The following ANO10 variants were observed in gnomAD, a reference collection of about 807,000 sequenced individuals.
ANO10 encodes the protein anoctamin-10.
A neutral mutation model predicts 74.7 loss-of-function variants in ANO10; 77 were observed. The observed-to-expected ratio is 1.03, with a 90% CI of 0.86 to 1.25. The LOEUF (loss-of-function observed/expected upper bound fraction) is 1.25, where lower values mean the gene tolerates loss of function less well. ANO10 is among the 50% of genes most tolerant of loss of function. ANO10 has a pLI of 0.00. For synonymous variants in ANO10, 279 were observed against 284.9 expected (o/e 0.98, Z 0.21); for missense variants, 721 against 778.1 (o/e 0.93, Z 0.87).
At chr3:43,686,923 CAG>C (rs2084282740) in intron 1 of ANO10, among the ~76,000 whole-genome samples, 1 of 151,804 alleles carries the variant, frequency 6.6e-6, no homozygotes. Context: ...CTCAGACCTA[CAG>C]AGTCAGAATC....
intron 11 of ANO10, among the ~76,000 whole-genome samples, chr3:43,437,542 C>G (rs1034713007): frequency 1.3e-5 from 2 of 152,188 alleles, no homozygotes; most frequent in African/African-American, 2.4e-5. Flanking sequence ...AAAGGATATA[C>G]TTTAAATGCC....
intron 10 of ANO10, chr3:43,551,427 G>A (rs1253993188): frequency 6.8e-6 from 3 of 440,724 alleles, no homozygotes; most frequent in South Asian, 3.2e-5. Flanking sequence ...TAAACTGCAT[G>A]CATTTAAGGT....
intron 11 of ANO10, among the ~76,000 whole-genome samples, chr3:43,513,612 G>A (rs1489678566): frequency 2.0e-5 from 3 of 152,128 alleles, no homozygotes; most frequent in South Asian, 2.1e-4. Context: ...AAGGGTTCAC[G>A]CCATTCTCCT....
chr3:43,519,762 G>A (rs2077869898), intron 11 of ANO10, among the ~76,000 whole-genome samples: 2 of 152,114 alleles, frequency 1.3e-5, no homozygotes, highest in African/African-American at 4.8e-5. Context: ...ACACAGGTAG[G>A]TTACAAGATC....
chr3:43,442,716 T>G (rs978773929), intron 11 of ANO10, among the ~76,000 whole-genome samples: 1 of 152,170 alleles, frequency 6.6e-6, no homozygotes, highest in African/African-American at 2.4e-5. Flanking sequence ...GAATAAATAT[T>G]TTAGCCACAC....
At chr3:43,637,360 C>A (rs943465044) in intron 1 of ANO10, among the ~76,000 whole-genome samples, 1 of 151,738 alleles carries the variant, frequency 6.6e-6, no homozygotes, top group African/African-American at 2.4e-5. Flanking sequence ...CCCAGCCACT[C>A]GGGAGATTGA....
chr3:43,536,852 A>T (rs1316615573), intron 11 of ANO10, among the ~76,000 whole-genome samples: 1 of 152,104 alleles, frequency 6.6e-6, no homozygotes, highest in Non-Finnish European at 1.5e-5. Flanking sequence ...GCATTTTTTC[A>T]ACAAGTTTTT....
chr3:43,678,998 C>T (rs2084159029), intron 1 of ANO10, among the ~76,000 whole-genome samples: 1 of 152,128 alleles, frequency 6.6e-6, no homozygotes, highest in South Asian at 2.1e-4. Context: ...CTGCAGTCTA[C>T]AGCTCCCAGC....
intron 11 of ANO10, among the ~76,000 whole-genome samples, chr3:43,524,656 G>A (rs1395829663): frequency 6.6e-6 from 1 of 152,046 alleles, no homozygotes; most frequent in Non-Finnish European, 1.5e-5. Flanking sequence ...CTGCCCACTG[G>A]GCTCCTCTTG....
At chr3:43,625,412 A>C (rs370165492), upstream of ANO10, among the ~76,000 whole-genome samples, 1 of 152,232 alleles carries the variant, frequency 6.6e-6, no homozygotes, top group African/African-American at 2.4e-5. Flanking sequence ...GTTCCCTGCC[A>C]TCATGATCCA....
At chr3:43,592,869 C>A (rs1048470542) in intron 4 of ANO10, among the ~76,000 whole-genome samples, 1 of 152,026 alleles carries the variant, frequency 6.6e-6, no homozygotes, top group African/African-American at 2.4e-5. Context: ...AAAGATAGGA[C>A]GAATGTCTAA....
intron 3 of ANO10, 73 bp from the exon 4 acceptor site, chr3:43,598,739 G>C: frequency 8.2e-7 from 1 of 1,223,120 alleles, no homozygotes; most frequent in Admixed American, 2.1e-5. Context: ...TGAGATTACA[G>C]AAATAATGGT....
chr3:43,461,579 C>T (rs1337422046), intron 11 of ANO10, among the ~76,000 whole-genome samples: 1 of 152,166 alleles, frequency 6.6e-6, no homozygotes, highest in Non-Finnish European at 1.5e-5. Flanking sequence ...GAATAAGTCT[C>T]ACAAGATATG....
intron 1 of ANO10, among the ~76,000 whole-genome samples, chr3:43,619,727 C>A (rs1208738949): frequency 6.6e-6 from 1 of 151,630 alleles, no homozygotes; most frequent in Non-Finnish European, 1.5e-5. Flanking sequence ...TAGCTGGATA[C>A]GGTGAAGCTC....
chr3:43,487,993 A>G (rs1490214201), intron 11 of ANO10, among the ~76,000 whole-genome samples: 1 of 152,184 alleles, frequency 6.6e-6, no homozygotes, highest in Non-Finnish European at 1.5e-5. Flanking sequence ...GGAACAGAAC[A>G]GAGCCCTCAC....
intron 1 of ANO10, among the ~76,000 whole-genome samples, chr3:43,679,805 C>A (rs1300893446): frequency 6.6e-6 from 1 of 152,202 alleles, no homozygotes; most frequent in Non-Finnish European, 1.5e-5. Context: ...TCTGCAGCCT[C>A]CACTGGTGAT....
intron 1 of ANO10, among the ~76,000 whole-genome samples, chr3:43,680,099 G>C (rs141603582): frequency 0.022 from 3,316 of 152,272 alleles, 134 homozygotes; most frequent in African/African-American, 0.075. Context: ...TGACTTTGAC[G>C]AGTTGAGAGA....
rs138329108 is a variant in ANO10, at chr3:43,494,145, A to G, written c.1797+55575T>C. On this transcript the variant is annotated intron_variant, in intron 11 of 12. Transcript: ENST00000292246. ...TTGAGGCCCTAGCTAATGCAATAAG[A>G]GCAAACATAAAATAATTAGTATAAG... Among the ~76,000 whole-genome samples the G allele has an allele frequency of 4.7e-3, 716 of 152,294 alleles. 5 individuals are homozygous for G. The highest frequency in any genetic ancestry group is 0.017 in the African/African-American group (688 of 41,552).
intron 11 of ANO10, among the ~76,000 whole-genome samples, chr3:43,480,475 G>A (rs1248385940): frequency 6.6e-6 from 1 of 152,174 alleles, no homozygotes; most frequent in Non-Finnish European, 1.5e-5. Flanking sequence ...AGGATCAGGG[G>A]TCAGGCTGGC....
Sources: gnomAD v4.1 joint callset for allele counts (sites outside exome capture counted in the v4.1 genomes callset) on GRCh38, gnomAD v4.1.1 for gene constraint, MANE v1.5 for transcripts, NCBI Gene and HGNC (gene_info 2026-07-23, HGNC 2026-07-21) for gene names.